EYS: variants seen among roughly 807,000 people sequenced by gnomAD.
The protein encoded by EYS is EGF-like photoreceptor maintenance factor, also known as protein eyes shut homolog.
A neutral mutation model predicts 282.1 loss-of-function variants in EYS; 250 were observed. That is an observed-to-expected ratio of 0.89 (90% CI 0.80 to 0.98). The LOEUF (loss-of-function observed/expected upper bound fraction) is 0.98. EYS is among the 50% of genes least tolerant of loss of function. The pLI, the probability that EYS is intolerant of heterozygous loss-of-function variation, is 0.00. For missense variants in EYS, 4,016 were observed against 3,709.0 expected (o/e 1.08, Z -2.15); for synonymous variants, 1,355 against 1,282.9 (o/e 1.06, Z -1.20).
intron 33 of EYS, among the ~76,000 whole-genome samples, chr6:64,031,419 G>A (rs1393216058): frequency 6.6e-6 from 1 of 152,190 alleles, no homozygotes; most frequent in Non-Finnish European, 1.5e-5. Flanking sequence ...CCCTCCATGG[G>A]CTCCTGTGCG....
chr6:64,002,779 C>T (rs1768158460), intron 33 of EYS, among the ~76,000 whole-genome samples: 1 of 152,168 alleles, frequency 6.6e-6, no homozygotes, highest in Non-Finnish European at 1.5e-5. Flanking sequence ...CTTAAGTGAT[C>T]CTCCTGCCTT....
In EYS at chr6:64,973,452, T is replaced by G. The variant is rs188739531; in HGVS notation, c.2259+24130A>C. 3.5e-4 allele frequency among the ~76,000 whole-genome samples: 53 copies of G among 152,138 alleles called. 1 individual carries two copies. The highest frequency in any genetic ancestry group is 6.8e-3 in the Middle Eastern group (2 of 294). On this transcript the variant is annotated intron_variant, in intron 14 of 42. Coordinates refer to ENST00000503581, the MANE Select transcript of EYS (RefSeq NM_001142800.2). ...CATACATCTAACAATAACACATAAT[T>G]TAGCTTGGCGGGTTATGTGATTTTT...
intron 30 of EYS, among the ~76,000 whole-genome samples, chr6:64,246,320 G>T (rs1399881228): frequency 2.0e-5 from 3 of 151,682 alleles, no homozygotes; most frequent in Non-Finnish European, 4.4e-5. Flanking sequence ...CTTATAGCTG[G>T]ATATTTTTTT....
chr6:63,939,934 C>A (rs1314601103), intron 35 of EYS, among the ~76,000 whole-genome samples: 1 of 152,170 alleles, frequency 6.6e-6, no homozygotes, highest in African/African-American at 2.4e-5. Context: ...ATTAACAGAA[C>A]ATACTGTACT....
At chr6:64,997,747 C>T in intron 13 of EYS, 44 bp from the exon 14 acceptor site, 3 of 1,530,380 alleles carry the variant, frequency 2.0e-6, no homozygotes, top group Non-Finnish European at 2.6e-6. Context: ...TTCCTTTAAC[C>T]TTAGTACAGG....
intron 33 of EYS, among the ~76,000 whole-genome samples, chr6:64,036,894 C>T (rs548699408): frequency 3.3e-5 from 5 of 152,258 alleles, no homozygotes; most frequent in South Asian, 2.1e-4. Context: ...GATTTGAACT[C>T]GGGACCATCT....
chr6:63,790,001 G>A (rs997721161), intron 37 of EYS, among the ~76,000 whole-genome samples: 7 of 152,152 alleles, frequency 4.6e-5, no homozygotes, highest in South Asian at 2.1e-4. Flanking sequence ...ACCCAAATAC[G>A]TCACCCAGCT....
At chr6:64,613,636 G>A (rs936969035) in intron 24 of EYS, among the ~76,000 whole-genome samples, 3 of 151,592 alleles carry the variant, frequency 2.0e-5, no homozygotes, top group Admixed American at 1.3e-4. Context: ...CTCTGCTGGA[G>A]CCAAAACCAG....
At chr6:64,160,627 C>G (rs75442502) in intron 31 of EYS, among the ~76,000 whole-genome samples, 1,766 of 152,232 alleles carry the variant, frequency 0.012, 35 homozygotes, top group African/African-American at 0.04. Context: ...TAGTTTAAAT[C>G]TAAACTTAAT....
At chr6:64,599,321 G>C (rs1384229153) in intron 24 of EYS, among the ~76,000 whole-genome samples, 1 of 152,168 alleles carries the variant, frequency 6.6e-6, no homozygotes, top group Non-Finnish European at 1.5e-5. Context: ...AGACTGACCT[G>C]GAGTGGAAAT....
chr6:64,589,896 A>G (rs1198308624), intron 26 of EYS, among the ~76,000 whole-genome samples: 1 of 152,074 alleles, frequency 6.6e-6, no homozygotes, highest in Admixed American at 6.6e-5. Context: ...CAAAGAAGCT[A>G]TTTCAAGAAA....
intron 1 of EYS, among the ~76,000 whole-genome samples, chr6:65,692,785 T>A (rs1172033495): frequency 1.3e-5 from 2 of 150,056 alleles, no homozygotes; most frequent in Admixed American, 1.3e-4. Flanking sequence ...GCTACAATTT[T>A]AAAAAAAGGT....
At chr6:64,765,692 G>A (rs527377170) in intron 22 of EYS, among the ~76,000 whole-genome samples, 27 of 152,126 alleles carry the variant, frequency 1.8e-4, no homozygotes, top group African/African-American at 6.0e-4. Context: ...TTCTTCACAT[G>A]GTGGCAGGAG....
intron 19 of EYS, among the ~76,000 whole-genome samples, chr6:64,863,541 T>C (rs1410700470): frequency 6.6e-6 from 1 of 152,188 alleles, no homozygotes; most frequent in African/African-American, 2.4e-5. Flanking sequence ...TTTATTCCTT[T>C]AAAAATCGTT....
At chr6:65,441,973 G>C (rs1204378912) in intron 5 of EYS, among the ~76,000 whole-genome samples, 2 of 151,918 alleles carry the variant, frequency 1.3e-5, no homozygotes, top group Admixed American at 6.6e-5. Flanking sequence ...AGGCCTTCTG[G>C]AGATCTTTTT....
At chr6:63,840,746 T>A (rs1158645656) in intron 36 of EYS, among the ~76,000 whole-genome samples, 1 of 152,172 alleles carries the variant, frequency 6.6e-6, no homozygotes, top group African/African-American at 2.4e-5. Flanking sequence ...AGTTTCATTT[T>A]TCTACATAGG....
chr6:63,949,981 G>T (rs189770004), intron 35 of EYS, among the ~76,000 whole-genome samples: 1 of 152,210 alleles, frequency 6.6e-6, no homozygotes, highest in East Asian at 1.9e-4. Flanking sequence ...AGACCAGCCT[G>T]GCCAAGATGG....
At chr6:63,781,781 A>G (rs1048515791) in intron 39 of EYS, among the ~76,000 whole-genome samples, 2 of 152,108 alleles carry the variant, frequency 1.3e-5, no homozygotes, top group Admixed American at 1.3e-4. Flanking sequence ...AACTTCCAAC[A>G]GTATGTTGAA....
intron 31 of EYS, among the ~76,000 whole-genome samples, chr6:64,183,387 G>C (rs925869991): frequency 6.6e-6 from 1 of 152,158 alleles, no homozygotes; most frequent in African/African-American, 2.4e-5. Flanking sequence ...CCAAGTAGTA[G>C]AGTGAACATT....
Sources: gnomAD v4.1 joint callset for allele counts (sites outside exome capture counted in the v4.1 genomes callset) on GRCh38, gnomAD v4.1.1 for gene constraint, MANE v1.5 for transcripts, NCBI Gene and HGNC (gene_info 2026-07-23, HGNC 2026-07-21) for gene names.